The following LAMA2 variants were observed in gnomAD, a reference collection of about 807,000 sequenced individuals.
LAMA2 encodes laminin subunit alpha-2.
LAMA2 carries 269 observed loss-of-function variants against 364.8 expected under a neutral mutation model. That is an observed-to-expected ratio of 0.74 (90% CI 0.67 to 0.82). The LOEUF is 0.82. Ranked by LOEUF, LAMA2 falls within the 40% of genes least tolerant of loss-of-function variation. LAMA2 has a pLI of 0.00. For missense variants in LAMA2, 3,807 were observed against 3,873.2 expected (o/e 0.98, Z 0.45); for synonymous variants, 1,379 against 1,370.6 (o/e 1.01, Z -0.14).
intron 1 of LAMA2, among the ~76,000 whole-genome samples, chr6:128,925,931 A>C (rs184848338): frequency 1.1e-3 from 165 of 152,206 alleles, no homozygotes; most frequent in African/African-American, 3.8e-3. Context: ...TAAACTGAAT[A>C]GGCCATTTTA....
At chr6:129,303,475 A>T (rs1043101451) in intron 22 of LAMA2, among the ~76,000 whole-genome samples, 9 of 152,190 alleles carry the variant, frequency 5.9e-5, no homozygotes, top group African/African-American at 1.9e-4. Context: ...GGAAGCAAAT[A>T]TCCTTGCCTT....
intron 33 of LAMA2, among the ~76,000 whole-genome samples, chr6:129,368,241 A>G (rs1777881082): frequency 6.6e-6 from 1 of 152,256 alleles, no homozygotes; most frequent in Non-Finnish European, 1.5e-5. Flanking sequence ...TTAGAAGGAC[A>G]CAAACATTCT....
intron 48 of LAMA2, among the ~76,000 whole-genome samples, chr6:129,457,184 G>T (rs1478306187): frequency 6.6e-6 from 1 of 152,094 alleles, no homozygotes; most frequent in Non-Finnish European, 1.5e-5. Flanking sequence ...TGAAAAGCCA[G>T]GGTGACCCCA....
chr6:128,977,280 T>G (rs897237554), intron 1 of LAMA2, among the ~76,000 whole-genome samples: 3 of 150,882 alleles, frequency 2.0e-5, no homozygotes, highest in African/African-American at 7.3e-5. Context: ...TTTTTTTTTT[T>G]TCAAGGTCTT....
intron 1 of LAMA2, among the ~76,000 whole-genome samples, chr6:128,947,711 C>A (rs1372065415): frequency 7.9e-5 from 12 of 152,126 alleles, no homozygotes; most frequent in African/African-American, 2.9e-4. Flanking sequence ...GAGACTGTGG[C>A]TGTTACATAT....
At chr6:129,255,405 CAAAAAAAAA>C (rs5879934) in intron 14 of LAMA2, among the ~76,000 whole-genome samples, 11 of 33,828 alleles carry the variant, frequency 3.3e-4, no homozygotes, top group Admixed American at 1.0e-3. Context: ...GACTCTGTCT[CAAAAAAAAA>C]AAAAAAAAAA....
At chr6:129,352,871 G>A (rs895834042) in intron 31 of LAMA2, among the ~76,000 whole-genome samples, 2 of 151,854 alleles carry the variant, frequency 1.3e-5, no homozygotes, top group African/African-American at 4.8e-5. Context: ...CTCATTAGTA[G>A]CCTGATATTA....
intron 30 of LAMA2, among the ~76,000 whole-genome samples, chr6:129,345,827 A>G (rs2114576575): frequency 6.6e-6 from 1 of 152,292 alleles, no homozygotes; most frequent in Non-Finnish European, 1.5e-5. Flanking sequence ...AAAGCTTGGG[A>G]CGTATTAGGC....
chr6:129,269,559 T>G (rs184960880), intron 16 of LAMA2, among the ~76,000 whole-genome samples: 2 of 152,068 alleles, frequency 1.3e-5, no homozygotes, highest in African/African-American at 4.8e-5. Flanking sequence ...AGATTTTCAG[T>G]TGAATGTTAG....
chr6:129,301,811 C>T (rs1303509727), intron 22 of LAMA2, among the ~76,000 whole-genome samples: 2 of 152,054 alleles, frequency 1.3e-5, no homozygotes, highest in Non-Finnish European at 2.9e-5. Flanking sequence ...CCATCACCCC[C>T]CATGTGCCTA....
At chr6:129,077,914 A>G (rs1181444130) in intron 3 of LAMA2, among the ~76,000 whole-genome samples, 1 of 152,186 alleles carries the variant, frequency 6.6e-6, no homozygotes, top group Non-Finnish European at 1.5e-5. Context: ...AAGGCAGTGA[A>G]AATACTCTGT....
intron 1 of LAMA2, among the ~76,000 whole-genome samples, chr6:128,940,947 TC>T (rs561305634): frequency 6.6e-6 from 1 of 151,844 alleles, no homozygotes; most frequent in Admixed American, 6.6e-5. Context: ...CAAGAGCCTG[TC>T]CCCCCCAAAA....
intron 1 of LAMA2, among the ~76,000 whole-genome samples, chr6:128,910,611 T>G (rs556529270): frequency 1.1e-3 from 161 of 152,364 alleles, no homozygotes; most frequent in African/African-American, 3.8e-3. Context: ...AGTAATTTGA[T>G]CATCTGAAGC....
At chr6:129,323,116 T>C (rs1338904442) in intron 28 of LAMA2, among the ~76,000 whole-genome samples, 2 of 152,176 alleles carry the variant, frequency 1.3e-5, no homozygotes, top group Non-Finnish European at 2.9e-5. Context: ...CCACAACCCA[T>C]GGCCTCTAAT....
chr6:129,433,997 C>T (rs944358342), intron 41 of LAMA2, among the ~76,000 whole-genome samples: 3 of 152,156 alleles, frequency 2.0e-5, no homozygotes, highest in Admixed American at 6.5e-5. Context: ...TTTGAACCCA[C>T]ATCTTCCAAC....
intron 37 of LAMA2, among the ~76,000 whole-genome samples, chr6:129,395,705 A>T (rs777737275): frequency 6.6e-6 from 1 of 152,236 alleles, no homozygotes; most frequent in Non-Finnish European, 1.5e-5. Context: ...GCGTAAGCAA[A>T]GGAGGGAGTC....
intron 1 of LAMA2, among the ~76,000 whole-genome samples, chr6:128,899,449 G>A (rs1776951559): frequency 6.6e-6 from 1 of 152,188 alleles, no homozygotes; most frequent in Non-Finnish European, 1.5e-5. Flanking sequence ...AATAAAGTAT[G>A]TTATATAATG....
intron 1 of LAMA2, among the ~76,000 whole-genome samples, chr6:128,893,856 T>G (rs1582616662): frequency 6.6e-6 from 1 of 152,040 alleles, no homozygotes; most frequent in East Asian, 1.9e-4. Flanking sequence ...AAAATAATTT[T>G]ATATCCAAAA....
intron 1 of LAMA2, among the ~76,000 whole-genome samples, chr6:128,916,744 A>T (rs1352167312): frequency 1.3e-5 from 2 of 152,242 alleles, no homozygotes; most frequent in Non-Finnish European, 2.9e-5. Flanking sequence ...CTGTGAGGTT[A>T]GCCCATGAAC....
Sources: gnomAD v4.1 joint callset for allele counts (sites outside exome capture counted in the v4.1 genomes callset) on GRCh38, gnomAD v4.1.1 for gene constraint, MANE v1.5 for transcripts, NCBI Gene and HGNC (gene_info 2026-07-23, HGNC 2026-07-21) for gene names.